Variants in MROH9 observed in about 807,000 individuals in gnomAD.
The protein encoded by MROH9 is maestro heat like repeat family member 9.
Under a neutral mutation model 98.2 loss-of-function variants are expected in MROH9, and 92 were observed. The ratio of observed to expected loss-of-function variants is 0.94; its 90% confidence interval spans 0.79 to 1.11. MROH9 has a LOEUF of 1.11. Among genes scored for constraint, MROH9 ranks in the 50% most tolerant of loss-of-function variants. The probability of loss-of-function intolerance (pLI) is 0.00; values close to 1 mark genes in which losing one functional copy is unlikely to be tolerated. For synonymous variants in MROH9, 397 were observed against 368.9 expected (o/e 1.08, Z -0.87); for missense variants, 1,057 against 1,014.8 (o/e 1.04, Z -0.57).
intron 21 of MROH9, 127 bp from the exon 22 acceptor site, chr1:171,063,972 A>G: frequency 1.1e-6 from 1 of 929,306 alleles, no homozygotes. Flanking sequence ...CAAAATGCAG[A>G]GGGAATGCAG....
intron 10 of MROH9, among the ~76,000 whole-genome samples, chr1:170,988,570 A>G (rs1252887375): frequency 6.6e-6 from 1 of 152,184 alleles, no homozygotes; most frequent in Non-Finnish European, 1.5e-5. Context: ...AACCACAGAA[A>G]CAAAATGAAC....
At chr1:171,030,480 C>T (rs1278222684) in intron 20 of MROH9, among the ~76,000 whole-genome samples, 1 of 152,032 alleles carries the variant, frequency 6.6e-6, no homozygotes, top group Non-Finnish European at 1.5e-5. Flanking sequence ...GATTCCGGTA[C>T]ATTGTCCCAT....
intron 1 of MROH9, among the ~76,000 whole-genome samples, chr1:170,943,684 C>T (rs1211034380): frequency 1.3e-5 from 2 of 151,644 alleles, no homozygotes; most frequent in Non-Finnish European, 2.9e-5. Context: ...TAGCCTTTTC[C>T]ACAACAATGC....
chr1:171,007,932 G>A (rs1389931426), intron 15 of MROH9, among the ~76,000 whole-genome samples: 1 of 152,112 alleles, frequency 6.6e-6, no homozygotes, highest in Admixed American at 6.5e-5. Flanking sequence ...GCATTGATCT[G>A]CACTCTCAAA....
At chr1:171,063,777 A>G (rs1184255222) in intron 21 of MROH9, among the ~76,000 whole-genome samples, 2 of 152,196 alleles carry the variant, frequency 1.3e-5, no homozygotes, top group East Asian at 3.8e-4. Context: ...TTTCATTATT[A>G]TGACCAATAT....
At chr1:170,950,506 AG>A (rs147095491) in intron 3 of MROH9, among the ~76,000 whole-genome samples, 14,715 of 152,056 alleles carry the variant, frequency 0.097, 798 homozygotes, top group Non-Finnish European at 0.11. Flanking sequence ...CTCACAAAAG[AG>A]TATCATTAAC....
chr1:171,044,093 G>A (rs984631392), intron 20 of MROH9, among the ~76,000 whole-genome samples: 3 of 152,042 alleles, frequency 2.0e-5, no homozygotes, highest in Non-Finnish European at 4.4e-5. Context: ...AGTATGATAC[G>A]AACTGTGGGT....
intron 17 of MROH9, among the ~76,000 whole-genome samples, chr1:171,020,004 G>A (rs953858900): frequency 2.6e-5 from 4 of 151,948 alleles, no homozygotes; most frequent in Admixed American, 6.6e-5. Context: ...ACAAATAAAC[G>A]GTAAAATCAA....
rs147489031 is a variant in MROH9, at chr1:170,973,521, T to TA, written c.616+1648dup. On this transcript the variant is annotated intron_variant, in intron 8 of 21. Transcript: ENST00000367759. The stretch of plus-strand genomic sequence containing the variant: ...CAAAGCTGAAGAATACCCCTAGAAA[T>TA]AAAAAAAAAAGTTCCTGCACTCAAC... Among the ~76,000 whole-genome samples, 224 of 147,050 alleles carry TA rather than the reference T, an allele frequency of 1.5e-3. 2 individuals are homozygous for TA. Among genetic ancestry groups the TA allele is most frequent in the South Asian group, 3.7e-3 (17 of 4,656 alleles).
intron 3 of MROH9, among the ~76,000 whole-genome samples, chr1:170,950,661 C>T (rs997112354): frequency 6.6e-6 from 1 of 152,088 alleles, no homozygotes; most frequent in South Asian, 2.1e-4. Context: ...TTGTACTGTA[C>T]TGCACATGCA....
At chr1:170,941,906 T>C (rs1649134132) in intron 1 of MROH9, among the ~76,000 whole-genome samples, 1 of 152,186 alleles carries the variant, frequency 6.6e-6, no homozygotes, top group African/African-American at 2.4e-5. Flanking sequence ...CATTAAGCTA[T>C]ACAGGTCTGG....
intron 20 of MROH9, among the ~76,000 whole-genome samples, chr1:171,050,573 T>G (rs1359937696): frequency 6.6e-6 from 1 of 151,454 alleles, no homozygotes; most frequent in African/African-American, 2.4e-5. Flanking sequence ...TCTGGAGGAG[T>G]CTTTAGGGTT....
chr1:171,023,751 T>G (rs1413388285), intron 17 of MROH9, among the ~76,000 whole-genome samples: 1 of 152,034 alleles, frequency 6.6e-6, no homozygotes, highest in African/African-American at 2.4e-5. Context: ...TTTTTGTGTG[T>G]GTGGTGAGAA....
chr1:170,944,609 C>A (rs551423940), intron 1 of MROH9, among the ~76,000 whole-genome samples: 1 of 151,970 alleles, frequency 6.6e-6, no homozygotes, highest in Non-Finnish European at 1.5e-5. Flanking sequence ...TGTAAACAAC[C>A]ACTAAGTAGT....
intron 16 of MROH9, 34 bp downstream of exon 16, chr1:171,014,288 T>C (rs1156610519): frequency 3.9e-6 from 6 of 1,527,326 alleles, no homozygotes; most frequent in Non-Finnish European, 5.3e-6. Flanking sequence ...GCAAGCATCA[T>C]CTAAATCATA....
intron 20 of MROH9, among the ~76,000 whole-genome samples, chr1:171,059,481 T>C (rs546975010): frequency 6.6e-5 from 10 of 152,150 alleles, no homozygotes; most frequent in Non-Finnish European, 1.5e-4. Flanking sequence ...GACAGTATGG[T>C]GATTCCTCAA....
At chr1:171,018,072 G>T (rs542891781) in intron 17 of MROH9, among the ~76,000 whole-genome samples, 1 of 152,102 alleles carries the variant, frequency 6.6e-6, no homozygotes, top group Non-Finnish European at 1.5e-5. Flanking sequence ...AGTGGGTCCT[G>T]CTCCCCATAA....
chr1:170,948,723 A>G (rs1649431587), intron 3 of MROH9, among the ~76,000 whole-genome samples: 1 of 152,236 alleles, frequency 6.6e-6, no homozygotes, highest in African/African-American at 2.4e-5. Context: ...AGGAAATGAT[A>G]GAAGTATATT....
chr1:171,049,368 C>T (rs889144434), intron 20 of MROH9, among the ~76,000 whole-genome samples: 6 of 152,138 alleles, frequency 3.9e-5, no homozygotes, highest in Admixed American at 2.6e-4. Context: ...CTCTGGGTGC[C>T]GAGTGAGGGA....
Sources: gnomAD v4.1 joint callset for allele counts (sites outside exome capture counted in the v4.1 genomes callset) on GRCh38, gnomAD v4.1.1 for gene constraint, MANE v1.5 for transcripts, NCBI Gene and HGNC (gene_info 2026-07-23, HGNC 2026-07-21) for gene names.